TREM1: variants seen among roughly 807,000 people sequenced by gnomAD.
TREM1 encodes the protein triggering receptor expressed on myeloid cells 1.
In TREM1, 16 loss-of-function variants were observed where a neutral mutation model predicts 22.4. The observed-to-expected ratio is 0.71, with a 90% CI of 0.48 to 1.08. The LOEUF (loss-of-function observed/expected upper bound fraction) is 1.08, where lower values mean the gene tolerates loss of function less well. TREM1 is among the 50% of genes least tolerant of loss of function. TREM1 has a pLI of 0.00. For missense variants in TREM1, 283 were observed against 282.9 expected, an observed-to-expected ratio of 1.00 and a Z score of 0.00; for synonymous variants, 110 against 111.6, an observed-to-expected ratio of 0.99 and a Z score of 0.09.
intron 3 of TREM1, among the ~76,000 whole-genome samples, chr6:41,277,908 T>TC (rs2113980490): frequency 4.2e-5 from 1 of 23,700 alleles, no homozygotes; most frequent in East Asian, 4.0e-4. Context: ...TCTTTTTGTC[T>TC]TTTTTTTTTT....
rs914816513 is a variant in TREM1 at position 41,274,977 on chromosome 6, C to T, written c.*1148G>A. Among the ~76,000 whole-genome samples, 1 of 151,982 alleles carries T rather than the reference C, an allele frequency of 6.6e-6. No homozygotes were observed. The highest frequency in any genetic ancestry group is 6.6e-5 in the Admixed American group (1 of 15,264). On this transcript the variant is annotated 3_prime_UTR_variant, in exon 4 of 4. Transcript: ENST00000244709. ...CTTTCCCCACCCATGAGGCCCATTT[C>T]CCTTTAAAGCTCAAAGTAGGAAATA...
downstream of TREM1, among the ~76,000 whole-genome samples, chr6:41,272,987 A>G (rs181176238): frequency 4.7e-4 from 72 of 152,024 alleles, no homozygotes; most frequent in Non-Finnish European, 8.5e-4. Flanking sequence ...TTCCCCTTCT[A>G]TTGAGGATGG....
rs9471531 is a variant in TREM1, at chr6:41,274,462, A to G, written c.*1663T>C. Among the ~76,000 whole-genome samples the G allele has an allele frequency of 0.32, 48,863 of 152,042 alleles. 8,534 individuals carry two copies. Among genetic ancestry groups the G allele is most frequent in the Admixed American group, 0.4 (6,133 of 15,298 alleles). ...AAACAGGAACAATGCTGGGATTGCT[A>G]AAGTGTGGGGTTCCAGACCAGCAAG... is the stretch of plus-strand genomic sequence containing the variant. On this transcript the variant is annotated 3_prime_UTR_variant, in exon 4 of 4. Coordinates refer to ENST00000244709, the MANE Select transcript of TREM1 (RefSeq NM_018643.5).
At chr6:41,267,874 G>T (rs1767372318), downstream of TREM1, 3 of 398,166 alleles carry the variant, frequency 7.5e-6, no homozygotes, top group African/African-American at 2.1e-5. Flanking sequence ...AAAAGCTAAA[G>T]CTAAAACAAA....
intron 3 of TREM1, chr6:41,268,210 C>T (rs1002026777): frequency 5.0e-6 from 2 of 397,116 alleles, no homozygotes; most frequent in African/African-American, 4.1e-5. Context: ...TAGACAAGAA[C>T]AATCTGTACG....
At chr6:41,280,915 A>G in intron 3 of TREM1, 46 bp downstream of exon 3, 3 of 1,613,740 alleles carry the variant, frequency 1.9e-6, no homozygotes, top group Non-Finnish European at 2.5e-6. Context: ...TGGGAAACAA[A>G]GGGCTCAGTG....
At chr6:41,277,721 G>A (rs1229710476) in intron 3 of TREM1, among the ~76,000 whole-genome samples, 1 of 152,044 alleles carries the variant, frequency 6.6e-6, no homozygotes, top group African/African-American at 2.4e-5. Flanking sequence ...CTCAGTTACT[G>A]CCCCTTATAG....
At chr6:41,280,053 A>G (rs115985878) in intron 3 of TREM1, 45,338 of 969,282 alleles carry the variant, frequency 0.047, 1,199 homozygotes, top group Middle Eastern at 0.075. Flanking sequence ...AAATTTAGGT[A>G]GCAGCATCAA....
chr6:41,268,126 G>T, intron 3 of TREM1: 1 of 398,528 alleles, frequency 2.5e-6, no homozygotes. Flanking sequence ...GGGTCAGGGA[G>T]CCCATACAGG....
chr6:41,282,576 C>G lies in TREM1; in HGVS notation c.225G>C (p.Lys75Asn). ...KTLACTERPS[K>N]NSHPVQVGRI... ...TCCCCACTTGGACTGGATGGGAATT[C>G]TTTGAAGGCCTCTCTGTGCATGCCA... Residue 75 changes from lysine (K) to asparagine (N), a missense_variant, in exon 2 of 4, where the codon AAG (lysine) becomes AAC (asparagine). By Grantham distance (94) the Lys-to-Asn change is moderately conservative. Transcript: ENST00000244709. 6.2e-7 allele frequency: 1 copy of G among 1,614,192 alleles called. No homozygotes were observed. Among genetic ancestry groups the G allele is most frequent in the Non-Finnish European group, 8.5e-7 (1 of 1,180,034 alleles).
downstream of TREM1, among the ~76,000 whole-genome samples, chr6:41,269,544 G>A (rs1767420467): frequency 6.6e-6 from 1 of 152,166 alleles, no homozygotes; most frequent in Non-Finnish European, 1.5e-5. Context: ...GATTAACAAG[G>A]TACATGCTTG....
At chr6:41,267,865 A>G (rs1174849164), downstream of TREM1, 1 of 398,086 alleles carries the variant, frequency 2.5e-6, no homozygotes, top group Non-Finnish European at 4.4e-6. Flanking sequence ...AAATAAGACA[A>G]AAGCTAAAGC....
At chr6:41,281,404 G>T in intron 2 of TREM1, 1 of 499,996 alleles carries the variant, frequency 2.0e-6, no homozygotes, top group Non-Finnish European at 3.5e-6. Flanking sequence ...GAAAAAAAGG[G>T]CAGGAAGTGA....
chr6:41,276,223 C>G lies in TREM1; in HGVS notation c.607G>C (p.Val203Leu). 1 of 1,613,884 alleles carries G rather than the reference C, an allele frequency of 6.2e-7. No individual in the cohort carries two copies. The highest frequency in any genetic ancestry group is 2.2e-5 in the East Asian group (1 of 44,862). Residue 203 changes from valine to leucine, a missense_variant, in exon 4 of 4, where the codon GTG becomes CTG. By Grantham distance (32) the Val-to-Leu change is conservative (BLOSUM62 1). Transcript: ENST00000244709. Reference protein sequence around the residue: ...TNVTDIIRVPVFNIVILLAGG... With the variant: ...TNVTDIIRVPLFNIVILLAGG... ...GCCAGGAGAATGACAATGTTGAACA[C>G]CGGAACCCTGCGGGAGACAAGAGGC...
downstream of TREM1, among the ~76,000 whole-genome samples, chr6:41,270,963 C>T (rs2113968984): frequency 6.6e-6 from 1 of 152,328 alleles, no homozygotes; most frequent in African/African-American, 2.4e-5. Context: ...ACCTCAGCCT[C>T]CCAAAGTGTT....
At chr6:41,270,613 A>C (rs1767455984), downstream of TREM1, among the ~76,000 whole-genome samples, 1 of 152,084 alleles carries the variant, frequency 6.6e-6, no homozygotes, top group African/African-American at 2.4e-5. Context: ...TTCATCATAA[A>C]AAGGTACAAA....
chr6:41,278,036 C>T (rs1368481334), intron 3 of TREM1, among the ~76,000 whole-genome samples: 1 of 151,454 alleles, frequency 6.6e-6, no homozygotes, highest in Non-Finnish European at 1.5e-5. Flanking sequence ...ATCCTCCTGC[C>T]TCAGCCTCCC....
At chr6:41,284,934 T>C (rs1048047212) in intron 1 of TREM1, among the ~76,000 whole-genome samples, 7 of 152,206 alleles carry the variant, frequency 4.6e-5, no homozygotes, top group Non-Finnish European at 8.8e-5. Flanking sequence ...CAAGAGACTG[T>C]TGACCAGAGG....
downstream of TREM1, among the ~76,000 whole-genome samples, chr6:41,267,394 A>G (rs1179034340): frequency 6.6e-6 from 1 of 152,252 alleles, no homozygotes; most frequent in African/African-American, 2.4e-5. Context: ...ATAATGCAGA[A>G]GTTTCAGTTT....
Sources: allele counts gnomAD v4.1 joint callset (sites outside exome capture counted in the v4.1 genomes callset), GRCh38; gene constraint gnomAD v4.1.1; transcripts MANE v1.5; gene names NCBI Gene and HGNC (gene_info 2026-07-23, HGNC 2026-07-21).